PIEZO2: variants seen among roughly 807,000 people sequenced by gnomAD.
PIEZO2 encodes the protein piezo type mechanosensitive ion channel component 2.
PIEZO2 carries 172 observed loss-of-function variants against 337.3 expected under a neutral mutation model. That is an observed-to-expected ratio of 0.51 (90% CI 0.45 to 0.58). The LOEUF (loss-of-function observed/expected upper bound fraction) is 0.58, where lower values mean the gene tolerates loss of function less well. Ranked by LOEUF, PIEZO2 falls within the 20% of genes least tolerant of loss-of-function variation. The pLI, the probability that PIEZO2 is intolerant of heterozygous loss-of-function variation, is 0.00. For missense variants in PIEZO2, 3,028 were observed against 3,391.3 expected (o/e 0.89, Z 2.66); for synonymous variants, 1,251 against 1,228.5 (o/e 1.02, Z -0.38).
At chr18:10,772,220 T>C (rs1244032564) in intron 20 of PIEZO2, among the ~76,000 whole-genome samples, 1 of 152,096 alleles carries the variant, frequency 6.6e-6, no homozygotes, top group Non-Finnish European at 1.5e-5. Context: ...TTAGAACATG[T>C]CCCCCAAGGC....
At chr18:10,992,741 G>A (rs1373847948) in intron 2 of PIEZO2, among the ~76,000 whole-genome samples, 1 of 152,186 alleles carries the variant, frequency 6.6e-6, no homozygotes, top group Non-Finnish European at 1.5e-5. Context: ...GAAGTTTAAA[G>A]TAGTTTTTTT....
chr18:10,883,362 G>T (rs1025657435), intron 4 of PIEZO2, among the ~76,000 whole-genome samples: 4 of 152,012 alleles, frequency 2.6e-5, no homozygotes, highest in African/African-American at 9.7e-5. Context: ...CATAATGGCT[G>T]CACTAATCTA....
At chr18:10,697,982 C>T in intron 44 of PIEZO2, 102 bp from the exon 45 acceptor site, 1 of 670,010 alleles carries the variant, frequency 1.5e-6, no homozygotes, top group Non-Finnish European at 2.1e-6. Flanking sequence ...GGAGGGATAG[C>T]TCAGGACTGT....
chr18:10,859,718 A>G lies in PIEZO2; in HGVS notation c.493-2507T>C, dbSNP rs1258503808. ...TTAGAGTAAAAATGCTTCCCTACCTAATTTCTCTTGAACCTACTCAAATCA... is the reference window on the plus strand; with the variant it reads ...TTAGAGTAAAAATGCTTCCCTACCTGATTTCTCTTGAACCTACTCAAATCA... On this transcript the variant is annotated intron_variant, in intron 5 of 55. Coordinates refer to ENST00000674853, the MANE Select transcript of PIEZO2 (RefSeq NM_001378183.1). This position sits in a 1 kb window ranked among gnomAD's most constrained non-coding sequence, Gnocchi z 4.9. Among the ~76,000 whole-genome samples, 1 of 152,108 alleles carries G rather than the reference A, an allele frequency of 6.6e-6. No homozygotes were observed. Among genetic ancestry groups the G allele is most frequent in the Non-Finnish European group, 1.5e-5 (1 of 68,026 alleles).
At position 10,677,630 on chromosome 18, in the gene PIEZO2, CTT is replaced by C; in HGVS notation, c.8081+115_8081+116del. 4 of 1,291,208 alleles carry C rather than the reference CTT, an allele frequency of 3.1e-6. No individual in the cohort carries two copies. The highest frequency in any genetic ancestry group is 4.3e-6 in the Non-Finnish European group (4 of 928,712). The allele number at this position is 1,291,208 out of a possible 1,614,324, so 80.0% of individuals were successfully genotyped here. On this transcript the variant is annotated intron_variant, in intron 53 of 55. Transcript: ENST00000674853. This position sits in a 1 kb window ranked among gnomAD's most constrained non-coding sequence, Gnocchi z 4.1. ...AATGGGGCCTCCAAATAGAAATTAA[CTT>C]TGTGTTACCAAAGAATGAAGTTGCA...
rs932932669 is a variant in PIEZO2, at chr18:10,673,740, A to G, written c.8162-867T>C. Among the ~76,000 whole-genome samples, 3 of 152,196 alleles carry G rather than the reference A, an allele frequency of 2.0e-5. No individual in the cohort carries two copies. Among genetic ancestry groups the G allele is most frequent in the Non-Finnish European group, 4.4e-5 (3 of 68,020 alleles). On this transcript the variant is annotated intron_variant, in intron 54 of 55. Coordinates refer to ENST00000674853, the MANE Select transcript of PIEZO2 (RefSeq NM_001378183.1). The surrounding 1 kb of genome is among the most constrained non-coding windows in gnomAD (Gnocchi z 4.8). The stretch of plus-strand genomic sequence containing the variant: ...CTTCCCCTGAGAAACATGGTGGTGA[A>G]CTATAAACTAAACTGTGTGAAGGTG...
At chr18:11,029,192 G>A (rs1012488771) in intron 2 of PIEZO2, among the ~76,000 whole-genome samples, 3 of 152,066 alleles carry the variant, frequency 2.0e-5, no homozygotes, top group East Asian at 1.9e-4. Flanking sequence ...CCCTGCCAAC[G>A]CAAACACAAC....
intron 49 of PIEZO2, among the ~76,000 whole-genome samples, chr18:10,687,510 T>C (rs1000903475): frequency 6.6e-6 from 1 of 152,114 alleles, no homozygotes; most frequent in African/African-American, 2.4e-5. Context: ...AGTCAATGTT[T>C]ATAGTAGGCT....
Position 10,781,432 on chromosome 18 carries a change from T to C in PIEZO2, c.2493-1066A>G, listed in dbSNP as rs2038977811. On this transcript the variant is annotated intron_variant, in intron 17 of 55. Transcript: ENST00000674853. The surrounding 1 kb of genome is among the most constrained non-coding windows in gnomAD (Gnocchi z 4.1). The stretch of plus-strand genomic sequence containing the variant: ...TTGCAGTGAGCCGAGATGGCACCAC[T>C]GCACTCCAGCTTGGGCAACAGAGCG... Among the ~76,000 whole-genome samples the C allele has an allele frequency of 6.6e-6, 1 of 151,684 alleles. No homozygotes were observed. Among genetic ancestry groups the C allele is most frequent in the Non-Finnish European group, 1.5e-5 (1 of 67,982 alleles).
chr18:10,765,989 A>G (rs1368431230), intron 21 of PIEZO2, among the ~76,000 whole-genome samples: 4 of 152,324 alleles, frequency 2.6e-5, no homozygotes, highest in Admixed American at 6.5e-5. Flanking sequence ...GAGAAGTCAA[A>G]TCAGAGGAGG....
intron 8 of PIEZO2, among the ~76,000 whole-genome samples, chr18:10,804,750 A>G (rs1004903411): frequency 1.3e-5 from 2 of 152,152 alleles, no homozygotes; most frequent in African/African-American, 4.8e-5. Flanking sequence ...TTTTTCAAAC[A>G]TGTTTCATAG....
chr18:11,076,146 T>C (rs1034944914), intron 1 of PIEZO2, among the ~76,000 whole-genome samples: 38 of 152,230 alleles, frequency 2.5e-4, no homozygotes, highest in African/African-American at 9.2e-4. Flanking sequence ...TAACATTACA[T>C]TTTTATTCTG....
At chr18:10,931,611 T>C (rs2032089178) in intron 3 of PIEZO2, among the ~76,000 whole-genome samples, 1 of 152,152 alleles carries the variant, frequency 6.6e-6, no homozygotes, top group Non-Finnish European at 1.5e-5. Context: ...CATACAGAAA[T>C]TAACCACTGT....
rs1567981861 is a variant in PIEZO2 at position 10,719,010 on chromosome 18, TAAA to T, written c.5030-754_5030-752del. On this transcript the variant is annotated intron_variant, in intron 36 of 55. Coordinates refer to ENST00000674853, the MANE Select transcript of PIEZO2 (RefSeq NM_001378183.1). Reference sequence around the variant, plus strand: ...ATAAATAAATAAATAAATAAATAAATAAATAAATAAATAAATTTGCTATGAGGT... The same window carrying T: ...ATAAATAAATAAATAAATAAATAAATTAAATAAATAAATTTGCTATGAGGT... 1.5e-3 allele frequency among the ~76,000 whole-genome samples: 229 copies of T among 151,254 alleles called. 1 individual carries two copies. Among genetic ancestry groups the T allele is most frequent in the African/African-American group, 5.1e-3 (210 of 41,300 alleles).
intron 16 of PIEZO2, 131 bp from the exon 17 acceptor site, chr18:10,785,088 A>AT: frequency 5.5e-6 from 5 of 913,122 alleles, no homozygotes; most frequent in South Asian, 2.7e-5. Flanking sequence ...TCTCTCCCAT[A>AT]TGGTCCAATA....
chr18:10,729,135 G>T (rs925510411), intron 36 of PIEZO2, among the ~76,000 whole-genome samples: 1 of 152,076 alleles, frequency 6.6e-6, no homozygotes, highest in African/African-American at 2.4e-5. Flanking sequence ...TGTTTGACCT[G>T]TTCCAGCAAT....
At chr18:11,082,685 AT>A (rs376644745) in intron 1 of PIEZO2, among the ~76,000 whole-genome samples, 1 of 152,302 alleles carries the variant, frequency 6.6e-6, no homozygotes, top group East Asian at 1.9e-4. Context: ...AGTTTTTTTT[AT>A]CAGAAAAAGA....
intron 3 of PIEZO2, among the ~76,000 whole-genome samples, chr18:10,923,663 C>T (rs528531138): frequency 1.3e-5 from 2 of 152,306 alleles, no homozygotes; most frequent in South Asian, 4.1e-4. Flanking sequence ...AGCTTTTATC[C>T]CTCCTCAGAG....
chr18:10,729,575 G>C (rs1475956508), intron 36 of PIEZO2, among the ~76,000 whole-genome samples: 1 of 140,530 alleles, frequency 7.1e-6, no homozygotes, highest in African/African-American at 2.7e-5. Context: ...AGTGAGCCGA[G>C]ATCACCCCAC....
Sources: gnomAD v4.1 joint callset for allele counts (sites outside exome capture counted in the v4.1 genomes callset) on GRCh38, gnomAD v4.1.1 for gene constraint, Gnocchi (gnomAD v3.1) non-coding constraint, MANE v1.5 for transcripts, NCBI Gene and HGNC (gene_info 2026-07-23, HGNC 2026-07-21) for gene names.